Variants in PRTG observed in about 807,000 individuals in gnomAD.
The protein encoded by PRTG is protogenin.
A neutral mutation model predicts 122.5 loss-of-function variants in PRTG; 67 were observed. That is an observed-to-expected ratio of 0.55 (90% CI 0.45 to 0.67). The LOEUF (loss-of-function observed/expected upper bound fraction) is 0.67, where lower values mean the gene tolerates loss of function less well. Ranked by LOEUF, PRTG falls within the 30% of genes least tolerant of loss-of-function variation. The pLI is 0.00. For missense variants in PRTG, 1,435 were observed against 1,415.4 expected (o/e 1.01, Z -0.22); for synonymous variants, 554 against 501.1 (o/e 1.11, Z -1.41).
chr15:55,673,254 C>T lies in PRTG; in HGVS notation c.1852+117G>A. 5.2e-6 allele frequency: 4 copies of T among 773,314 alleles called. No homozygotes were observed. In the African/African-American group the frequency reaches 7.0e-5, roughly 14 times the overall value. 47.9% of individuals were successfully genotyped at this position (773,314 alleles called of 1,614,324 possible). On this transcript the variant is annotated intron_variant, in intron 10 of 19. Transcript: ENST00000389286. ...AATTTTTTTCAATTAAGTCCATCAT[C>T]TATGGAATATTTTTATTTGTAAAAC...
At chr15:55,629,357 T>TTG (rs2059212575) in intron 15 of PRTG, among the ~76,000 whole-genome samples, 1 of 87,674 alleles carries the variant, frequency 1.1e-5, no homozygotes, top group Non-Finnish European at 2.1e-5. Context: ...TTGTTTGGCT[T>TTG]TGTATATATA....
chr15:55,678,017 A>G lies in PRTG; in HGVS notation c.1161T>C (p.Pro387=), dbSNP rs199516396. Residue 387 remains proline (P), a synonymous_variant, in exon 8 of 20, where the codon CCT becomes CCC. Transcript: ENST00000389286. ...TGCACTGATAAATAGCATCATCTTCAGGAATAATCTGGTTAATTACCAATT... is the reference window on the plus strand; with the variant it reads ...TGCACTGATAAATAGCATCATCTTCGGGAATAATCTGGTTAATTACCAATT... ...NSKLVINQII[P]EDDAIYQCMA... The G allele has an allele frequency of 6.3e-7, 1 of 1,598,680 alleles. No homozygotes were observed. The highest frequency in any genetic ancestry group is 8.6e-7 in the Non-Finnish European group (1 of 1,167,868).
chr15:55,718,668 A>C (rs1241092925), intron 2 of PRTG, among the ~76,000 whole-genome samples: 1 of 152,118 alleles, frequency 6.6e-6, no homozygotes, highest in Non-Finnish European at 1.5e-5. Flanking sequence ...CAAGTTTTTA[A>C]ATACAATATC....
At chr15:55,629,103 G>C in intron 15 of PRTG, 99 bp from the exon 16 acceptor site, 1 of 686,992 alleles carries the variant, frequency 1.5e-6, no homozygotes, top group Non-Finnish European at 2.3e-6. Context: ...ATATTTTTCT[G>C]ATTATAAAGA....
chr15:55,636,849 G>T (rs148655181), intron 15 of PRTG, among the ~76,000 whole-genome samples: 1,625 of 152,216 alleles, frequency 0.011, 28 homozygotes, highest in African/African-American at 0.037. Flanking sequence ...GTTTCACCAT[G>T]TTGGTTAGGC....
Position 55,612,697 on chromosome 15 carries a change from AATATATATATATATATATAT to A in PRTG, c.*7295_*7314del, listed in dbSNP as rs59773365. The A allele has an allele frequency of 0.016, 1,940 of 120,674 alleles. 48 individuals carry two copies. The highest frequency in any genetic ancestry group is 0.045 in the African/African-American group (955 of 21,380). 7.5% of individuals were successfully genotyped at this position (120,674 alleles called of 1,614,324 possible). ...TTCTCTCTTTAACTCTTTAAAAGCC[AATATATATATATATATATAT>A]ATATATATATATATATATATATATA... On this transcript the variant is annotated 3_prime_UTR_variant, in exon 20 of 20. Transcript: ENST00000389286.
chr15:55,628,796 C>G, intron 16 of PRTG, 26 bp downstream of exon 16: 1 of 1,545,926 alleles, frequency 6.5e-7, no homozygotes, highest in Non-Finnish European at 8.8e-7. Context: ...TAAGAAAAAT[C>G]ACAGTGACTA....
intron 8 of PRTG, among the ~76,000 whole-genome samples, chr15:55,677,423 C>A (rs2059508925): frequency 6.6e-6 from 1 of 152,110 alleles, no homozygotes; most frequent in Non-Finnish European, 1.5e-5. Flanking sequence ...TTTTACTAAA[C>A]AGTCAAACCA....
chr15:55,711,486 G>A (rs2030385524), intron 2 of PRTG, among the ~76,000 whole-genome samples: 1 of 152,022 alleles, frequency 6.6e-6, no homozygotes, highest in Non-Finnish European at 1.5e-5. Flanking sequence ...AGAATGAGAT[G>A]GAAGATCATG....
intron 2 of PRTG, among the ~76,000 whole-genome samples, chr15:55,726,641 CAAAA>C (rs201283767): frequency 1.1e-5 from 1 of 93,818 alleles, no homozygotes; most frequent in African/African-American, 3.4e-5. Context: ...ATCTTCGTCT[CAAAA>C]AAAAAAAAAA....
intron 2 of PRTG, among the ~76,000 whole-genome samples, chr15:55,718,173 T>C (rs1313155414): frequency 6.6e-6 from 1 of 152,140 alleles, no homozygotes; most frequent in Non-Finnish European, 1.5e-5. Context: ...TCTTCCGCAA[T>C]GCCACTTGAC....
intron 11 of PRTG, among the ~76,000 whole-genome samples, chr15:55,647,260 CAA>C (rs1249735656): frequency 6.6e-6 from 1 of 152,026 alleles, no homozygotes; most frequent in Non-Finnish European, 1.5e-5. Flanking sequence ...GTCTGGATGA[CAA>C]GAGTGAAACT....
intron 17 of PRTG, among the ~76,000 whole-genome samples, chr15:55,626,322 T>C (rs1272964395): frequency 6.6e-6 from 1 of 150,900 alleles, no homozygotes; most frequent in African/African-American, 2.4e-5. Context: ...AGCAGGAGAA[T>C]GGCTTGAACC....
At position 55,671,490 on chromosome 15, in the gene PRTG, T is replaced by C. The variant is rs538744729; in HGVS notation, c.2041+955A>G. Among the ~76,000 whole-genome samples the C allele has an allele frequency of 2.2e-4, 34 of 152,308 alleles. 1 individual carries two copies. The South Asian group carries it at 7.1e-3, about 32-fold the overall frequency. The stretch of plus-strand genomic sequence containing the variant: ...TCAGTTTATAGTTTATATCCATGTA[T>C]TCTTTTCTTTTTTCTTTTTTTTGAG... On this transcript the variant is annotated intron_variant, in intron 11 of 19. Transcript: ENST00000389286.
chr15:55,737,396 G>A (rs561609180), intron 2 of PRTG, among the ~76,000 whole-genome samples: 42 of 152,180 alleles, frequency 2.8e-4, no homozygotes, highest in Non-Finnish European at 4.3e-4. Context: ...GTGCTTGAAT[G>A]AACAACAGGA....
chr15:55,738,647 CT>C (rs2031510950), intron 2 of PRTG: 2 of 600,100 alleles, frequency 3.3e-6, no homozygotes, highest in Non-Finnish European at 5.9e-6. Context: ...AGCACACTAT[CT>C]TTAAAACAGT....
intron 5 of PRTG, 27 bp downstream of exon 5, chr15:55,680,464 T>C (rs889590530): frequency 3.8e-6 from 5 of 1,322,896 alleles, no homozygotes; most frequent in African/African-American, 1.6e-5. Flanking sequence ...GGAAAAGACT[T>C]TTTTTTTTTT....
At chr15:55,740,064 C>G (rs2031559187) in intron 2 of PRTG, among the ~76,000 whole-genome samples, 1 of 152,206 alleles carries the variant, frequency 6.6e-6, no homozygotes, top group African/African-American at 2.4e-5. Flanking sequence ...TTTAGAACAA[C>G]TTTTGTTGCG....
chr15:55,660,939 C>T (rs182167049), intron 11 of PRTG, among the ~76,000 whole-genome samples: 117 of 152,096 alleles, frequency 7.7e-4, no homozygotes, highest in African/African-American at 2.5e-3. Flanking sequence ...CAATTTGATG[C>T]GCCATTTGGA....
Sources: allele counts gnomAD v4.1 joint callset (sites outside exome capture counted in the v4.1 genomes callset), GRCh38; gene constraint gnomAD v4.1.1; transcripts MANE v1.5; gene names NCBI Gene and HGNC (gene_info 2026-07-23, HGNC 2026-07-21).